CASP5: variants seen among roughly 807,000 people sequenced by gnomAD.
CASP5 encodes the protein caspase-5.
A neutral mutation model predicts 45.2 loss-of-function variants in CASP5; 42 were observed. That is an observed-to-expected ratio of 0.93 (90% CI 0.73 to 1.20). CASP5 has a LOEUF of 1.20. CASP5 is among the 50% of genes most tolerant of loss of function. The probability of loss-of-function intolerance (pLI) is 0.00; values close to 1 mark genes in which losing one functional copy is unlikely to be tolerated. For synonymous variants in CASP5, 209 were observed against 186.2 expected (o/e 1.12, Z -1.00); for missense variants, 512 against 532.2 (o/e 0.96, Z 0.37).
At chr11:104,996,791 G>T (rs1861489470) in intron 8 of CASP5, among the ~76,000 whole-genome samples, 1 of 152,124 alleles carries the variant, frequency 6.6e-6, no homozygotes, top group African/African-American at 2.4e-5. Context: ...AAGAACTGTG[G>T]AGAAAATAAA....
intron 1 of CASP5, among the ~76,000 whole-genome samples, chr11:105,021,863 A>G (rs1428080659): frequency 5.3e-5 from 8 of 150,432 alleles, no homozygotes; most frequent in Admixed American, 3.4e-4. Context: ...ATGCACACGT[A>G]TGTTTATTGT....
intron 1 of CASP5, among the ~76,000 whole-genome samples, chr11:105,009,353 TA>T (rs1164190392): frequency 1.3e-5 from 2 of 151,880 alleles, no homozygotes; most frequent in Admixed American, 1.3e-4. Flanking sequence ...GTCTAGACTG[TA>T]AATTATTCCT....
chr11:104,995,497 C>G (rs1413528037), intron 9 of CASP5, among the ~76,000 whole-genome samples: 1 of 152,036 alleles, frequency 6.6e-6, no homozygotes, highest in African/African-American at 2.4e-5. Flanking sequence ...AATTACTAAC[C>G]TAGGACTTTC....
At chr11:105,003,404 T>C (rs1442941996) in intron 3 of CASP5, 21 bp from the exon 4 acceptor site, 2 of 1,382,522 alleles carry the variant, frequency 1.4e-6, no homozygotes, top group Non-Finnish European at 2.0e-6. Flanking sequence ...TCACAAAATA[T>C]AAATTATGGT....
chr11:104,999,082 G>C (rs1861606430), intron 6 of CASP5, 54 bp from the exon 7 acceptor site: 9 of 1,479,158 alleles, frequency 6.1e-6, no homozygotes, highest in Non-Finnish European at 8.3e-6. Flanking sequence ...TTCCAGAATA[G>C]AAATGCAGAA....
chr11:105,001,991 C>T (rs763544973), intron 5 of CASP5, 37 bp downstream of exon 5: 10 of 1,593,350 alleles, frequency 6.3e-6, no homozygotes, highest in Non-Finnish European at 8.6e-6. Context: ...ATCTGTGTTG[C>T]CTATGGATGA....
chr11:104,997,295 A>C, intron 8 of CASP5, 88 bp downstream of exon 8: 1 of 979,668 alleles, frequency 1.0e-6, no homozygotes, highest in Non-Finnish European at 1.6e-6. Context: ...TGCCTGAAAA[A>C]CTGTGTCATT....
chr11:105,016,817 G>A (rs1263045940), intron 1 of CASP5, among the ~76,000 whole-genome samples: 6 of 151,900 alleles, frequency 3.9e-5, no homozygotes, highest in Non-Finnish European at 7.4e-5. Flanking sequence ...GCTCAAGGAG[G>A]CCTGCCTGCC....
chr11:105,010,726 C>T (rs751156040), intron 1 of CASP5, among the ~76,000 whole-genome samples: 25 of 151,514 alleles, frequency 1.7e-4, no homozygotes, highest in Non-Finnish European at 3.4e-4. Flanking sequence ...ATAGAGTTAA[C>T]CATGACAGGC....
intron 1 of CASP5, among the ~76,000 whole-genome samples, chr11:105,015,331 G>A (rs574214929): frequency 2.0e-5 from 3 of 152,216 alleles, no homozygotes; most frequent in Non-Finnish European, 4.4e-5. Flanking sequence ...AAGAGATACC[G>A]ATCACACAGT....
chr11:105,018,753 G>A (rs1335069273), intron 1 of CASP5, among the ~76,000 whole-genome samples: 1 of 143,984 alleles, frequency 6.9e-6, no homozygotes, highest in Non-Finnish European at 1.5e-5. Context: ...CAGCGAGACA[G>A]AAAGTCAACA....
chr11:105,014,697 G>A (rs1813839856), intron 1 of CASP5, among the ~76,000 whole-genome samples: 1 of 152,178 alleles, frequency 6.6e-6, no homozygotes, highest in Admixed American at 6.5e-5. Context: ...GGAAAATTTG[G>A]TGAGCAAAAG....
chr11:105,009,776 T>TATATATATACACACAC (rs1862209905), intron 1 of CASP5, among the ~76,000 whole-genome samples: 2 of 112,836 alleles, frequency 1.8e-5, no homozygotes, highest in Non-Finnish European at 3.5e-5. Context: ...CACACGTATA[T>TATATATATACACACAC]ATATATATAT....
At chr11:105,015,365 A>G (rs1272184321) in intron 1 of CASP5, among the ~76,000 whole-genome samples, 1 of 152,212 alleles carries the variant, frequency 6.6e-6, no homozygotes, top group Non-Finnish European at 1.5e-5. Flanking sequence ...AACAGTTTTT[A>G]TTGATTACTT....
At position 104,999,216 on chromosome 11, in the gene CASP5, C is replaced by A. The variant is rs376032189; in HGVS notation, c.953-188G>T. 5.9e-5 allele frequency among the ~76,000 whole-genome samples: 9 copies of A among 152,202 alleles called. No individual in the cohort carries two copies. The East Asian group carries it at 9.7e-4, about 16-fold the overall frequency. On this transcript the variant is annotated intron_variant, in intron 6 of 9. Transcript: ENST00000260315. ...CTCTCCTTCCCCTTGTCGCCCACCC[C>A]CCGACTGGCCCCGGTGTGTGATATT...
intron 3 of CASP5, among the ~76,000 whole-genome samples, chr11:105,006,239 C>G (rs1591162800): frequency 6.6e-6 from 1 of 152,140 alleles, no homozygotes; most frequent in Non-Finnish European, 1.5e-5. Flanking sequence ...AATTTTGTAA[C>G]TCACAGAAAT....
chr11:104,994,719 CT>C (rs1045726412), intron 9 of CASP5, among the ~76,000 whole-genome samples: 3 of 152,256 alleles, frequency 2.0e-5, no homozygotes, highest in African/African-American at 7.2e-5. Context: ...CATTGTAGTT[CT>C]TTTTAAACCT....
chr11:105,017,958 T>C (rs1862719799), intron 1 of CASP5, among the ~76,000 whole-genome samples: 1 of 152,146 alleles, frequency 6.6e-6, no homozygotes, highest in South Asian at 2.1e-4. Context: ...AGCAGATCTC[T>C]CGGCAGAAAC....
intron 1 of CASP5, among the ~76,000 whole-genome samples, chr11:105,015,674 C>T (rs530915609): frequency 6.6e-6 from 1 of 152,130 alleles, no homozygotes; most frequent in Non-Finnish European, 1.5e-5. Flanking sequence ...GTCAGCCTGC[C>T]CGGCCAAAGA....
Sources: gnomAD v4.1 joint callset for allele counts (sites outside exome capture counted in the v4.1 genomes callset) on GRCh38, gnomAD v4.1.1 for gene constraint, MANE v1.5 for transcripts, NCBI Gene and HGNC (gene_info 2026-07-23, HGNC 2026-07-21) for gene names.